Variants in TXNRD1 observed in about 807,000 individuals in gnomAD.
TXNRD1 encodes the protein thioredoxin reductase 1, cytoplasmic.
TXNRD1 carries 57 observed loss-of-function variants against 80.3 expected under a neutral mutation model. The ratio of observed to expected loss-of-function variants is 0.71; its 90% CI spans 0.57 to 0.89. The LOEUF (loss-of-function observed/expected upper bound fraction) is 0.89, where lower values mean the gene tolerates loss of function less well. Among genes scored for constraint, TXNRD1 ranks in the 40% least tolerant of loss-of-function variants. The pLI, the probability that TXNRD1 is intolerant of heterozygous loss-of-function variation, is 0.00. For missense variants in TXNRD1, 730 were observed against 803.0 expected (o/e 0.91, Z 1.10); for synonymous variants, 291 against 285.2 (o/e 1.02, Z -0.20).
rs748493842 is a variant in TXNRD1 at position 104,331,531 on chromosome 12, C to T, written c.1543-3C>T. The T allele has an allele frequency of 1.9e-6, 3 of 1,592,252 alleles. No individual in the cohort carries two copies. Among genetic ancestry groups the T allele is most frequent in the East Asian group, 2.2e-5 (1 of 44,640 alleles). ...ATAACTCCTTACCTCCATTTTTAAA[C>T]AGTGTGACTATGAAAATGTTCCAAC... On this transcript the variant is annotated splice_region_variant and splice_polypyrimidine_tract_variant and intron_variant, in intron 13 of 16. Coordinates refer to ENST00000525566, the MANE Select transcript of TXNRD1 (RefSeq NM_001093771.3).
At chr12:104,287,317 C>T (rs2034004420) in intron 3 of TXNRD1, 4 of 1,613,966 alleles carry the variant, frequency 2.5e-6, no homozygotes, top group Non-Finnish European at 8.5e-7. Context: ...GGTTTCGACC[C>T]GGTCACACAA....
intron 4 of TXNRD1, among the ~76,000 whole-genome samples, chr12:104,305,592 C>G (rs1263031973): frequency 6.6e-6 from 1 of 152,140 alleles, no homozygotes; most frequent in Non-Finnish European, 1.5e-5. Context: ...ATAGCAAGGT[C>G]AAATGCATGG....
intron 10 of TXNRD1, among the ~76,000 whole-genome samples, chr12:104,323,721 C>T (rs1213478922): frequency 1.5e-4 from 21 of 138,000 alleles, no homozygotes; most frequent in Admixed American, 1.4e-4. Context: ...GCTGGCCGGG[C>T]AGAGGGGCTC....
At chr12:104,229,576 T>G (rs2032564328) in intron 1 of TXNRD1, among the ~76,000 whole-genome samples, 1 of 149,780 alleles carries the variant, frequency 6.7e-6, no homozygotes, top group East Asian at 2.0e-4. Context: ...TTATTTTATT[T>G]TATTTTATTT....
chr12:104,294,730 C>T (rs1458086906), intron 4 of TXNRD1, among the ~76,000 whole-genome samples: 1 of 152,160 alleles, frequency 6.6e-6, no homozygotes, highest in African/African-American at 2.4e-5. Flanking sequence ...CTTGGCCTCC[C>T]AAAGTGCTGA....
intron 3 of TXNRD1, among the ~76,000 whole-genome samples, chr12:104,287,990 T>G (rs1396247867): frequency 2.0e-5 from 3 of 152,176 alleles, no homozygotes; most frequent in African/African-American, 4.8e-5. Context: ...TGTTGGTTTT[T>G]TTTGTTTGTT....
intron 9 of TXNRD1, among the ~76,000 whole-genome samples, chr12:104,320,299 C>G (rs146285220): frequency 6.6e-6 from 1 of 152,306 alleles, no homozygotes; most frequent in Non-Finnish European, 1.5e-5. Flanking sequence ...CCTTCAGGCT[C>G]TTTTTGGTAT....
At chr12:104,218,271 G>T (rs900276394) in intron 1 of TXNRD1, among the ~76,000 whole-genome samples, 1 of 151,804 alleles carries the variant, frequency 6.6e-6, no homozygotes, top group Non-Finnish European at 1.5e-5. Flanking sequence ...TGATCTTCCC[G>T]CCTCAGCCTC....
chr12:104,322,671 C>T (rs917013152), intron 10 of TXNRD1, among the ~76,000 whole-genome samples: 4 of 152,068 alleles, frequency 2.6e-5, no homozygotes, highest in Admixed American at 6.5e-5. Flanking sequence ...TGAGCCACTG[C>T]GCCTGGCCTG....
At chr12:104,333,546 T>C (rs1411156512) in intron 14 of TXNRD1, among the ~76,000 whole-genome samples, 4 of 152,232 alleles carry the variant, frequency 2.6e-5, no homozygotes, top group African/African-American at 9.6e-5. Context: ...TTATATTATT[T>C]ATCACAACAT....
intron 13 of TXNRD1, among the ~76,000 whole-genome samples, chr12:104,328,927 T>A (rs1342091169): frequency 6.6e-6 from 1 of 152,170 alleles, no homozygotes; most frequent in Non-Finnish European, 1.5e-5. Context: ...AGCTGTTTTT[T>A]AAAAAGGTTT....
At chr12:104,324,186 T>A (rs2035670220) in intron 10 of TXNRD1, among the ~76,000 whole-genome samples, 1 of 152,172 alleles carries the variant, frequency 6.6e-6, no homozygotes, top group Non-Finnish European at 1.5e-5. Context: ...TAAGCTCTTT[T>A]CCAAGGATTA....
At chr12:104,331,392 T>A (rs939480510) in intron 13 of TXNRD1, 142 bp from the exon 14 acceptor site, 1 of 519,952 alleles carries the variant, frequency 1.9e-6, no homozygotes, top group African/African-American at 1.9e-5. Context: ...ATTAATTAAT[T>A]AATATCTCGG....
At chr12:104,330,584 A>AT (rs56777725) in intron 13 of TXNRD1, among the ~76,000 whole-genome samples, 8 of 151,132 alleles carry the variant, frequency 5.3e-5, no homozygotes, top group East Asian at 1.9e-4. Context: ...CCTAATTGGG[A>AT]TTTTTTTTTA....
intron 3 of TXNRD1, among the ~76,000 whole-genome samples, chr12:104,269,215 T>G (rs1695551439): frequency 6.6e-6 from 1 of 152,072 alleles, no homozygotes; most frequent in Non-Finnish European, 1.5e-5. Context: ...CTTGTTGTCA[T>G]TTCAACAATG....
intron 3 of TXNRD1, among the ~76,000 whole-genome samples, chr12:104,266,012 T>C (rs539333200): frequency 1.1e-4 from 16 of 152,090 alleles, no homozygotes; most frequent in African/African-American, 3.6e-4. Context: ...TATTTGCCTA[T>C]TGGAGAGGTA....
At chr12:104,256,566 G>T (rs139396871) in intron 2 of TXNRD1, among the ~76,000 whole-genome samples, 4,895 of 152,058 alleles carry the variant, frequency 0.032, 208 homozygotes, top group African/African-American at 0.094. Flanking sequence ...AGATCACGAG[G>T]TCAGGAGATA....
In TXNRD1 at chr12:104,350,107, G is replaced by C. The variant is rs940980698; in HGVS notation, c.*1686G>C. 6.6e-6 allele frequency: 1 copy of C among 152,078 alleles called. No homozygotes were observed. Among genetic ancestry groups the C allele is most frequent in the East Asian group, 1.9e-4 (1 of 5,198 alleles). 9.4% of individuals were successfully genotyped at this position (152,078 alleles called of 1,614,324 possible). ...ATCATGTTGTGATTCTCTTTTCTTA[G>C]TGGAGTGGAATGTTCTATCCCCACA... On this transcript the variant is annotated 3_prime_UTR_variant, in exon 17 of 17. Transcript: ENST00000525566.
intron 2 of TXNRD1, among the ~76,000 whole-genome samples, chr12:104,257,432 A>T: frequency 7.9e-6 from 1 of 127,316 alleles, no homozygotes; most frequent in African/African-American, 3.0e-5. Flanking sequence ...TTTGAAACAG[A>T]GTCTTACTCT....
Sources: allele counts gnomAD v4.1 joint callset (sites outside exome capture counted in the v4.1 genomes callset), GRCh38; gene constraint gnomAD v4.1.1; transcripts MANE v1.5; gene names NCBI Gene and HGNC (gene_info 2026-07-23, HGNC 2026-07-21).